FGF1: variants seen among roughly 807,000 people sequenced by gnomAD.
The protein encoded by FGF1 is fibroblast growth factor 1, also known as beta-endothelial cell growth factor.
Under a neutral mutation model 13.4 loss-of-function variants are expected in FGF1, and 9 were observed. The ratio of observed to expected loss-of-function variants is 0.67; its 90% CI spans 0.40 to 1.17. The LOEUF is 1.17. Ranked by LOEUF, FGF1 falls within the 50% of genes most tolerant of loss-of-function variation. The pLI, the probability that FGF1 is intolerant of heterozygous loss-of-function variation, is 0.01. For synonymous variants in FGF1, 93 were observed against 79.0 expected (o/e 1.18, Z -0.94); for missense variants, 156 against 192.7 (o/e 0.81, Z 1.13).
rs755020732 is a variant in FGF1, at chr5:142,614,142, T to C, written c.-15A>G. 2.2e-5 allele frequency: 35 copies of C among 1,613,838 alleles called. No homozygotes were observed. In the South Asian group the frequency reaches 3.3e-4, roughly 15 times the overall value. ...CCTTCAGCCATGGCTCAGCAGCTGC[T>C]GCTTGTGGCGCTTTCAAGACTGTAA... On this transcript the variant is annotated 5_prime_UTR_variant, in exon 2 of 4. Coordinates refer to ENST00000337706, the MANE Select transcript of FGF1 (RefSeq NM_000800.5).
At chr5:142,665,774 G>A (rs1340004859) in intron 1 of FGF1, among the ~76,000 whole-genome samples, 2 of 152,136 alleles carry the variant, frequency 1.3e-5, no homozygotes, top group Non-Finnish European at 2.9e-5. Context: ...ATCCTAAGAG[G>A]ATCACAGGTA....
At chr5:142,623,624 C>T (rs924841872) in intron 1 of FGF1, among the ~76,000 whole-genome samples, 4 of 152,128 alleles carry the variant, frequency 2.6e-5, no homozygotes, top group Admixed American at 2.0e-4. Flanking sequence ...GCTGGGATTA[C>T]AGGCATGAGC....
intron 2 of FGF1, among the ~76,000 whole-genome samples, chr5:142,697,270 A>AGTG (rs1753278415): frequency 6.6e-6 from 1 of 152,192 alleles, no homozygotes; most frequent in Non-Finnish European, 1.5e-5. Context: ...GTGCTTTTTA[A>AGTG]AATGAAGCAT....
intron 1 of FGF1, among the ~76,000 whole-genome samples, chr5:142,622,158 C>T (rs924533321): frequency 1.3e-5 from 2 of 152,242 alleles, no homozygotes; most frequent in African/African-American, 4.8e-5. Flanking sequence ...ACCTGATGGG[C>T]ATTTGATAAA....
chr5:142,658,787 T>C (rs1159305753), intron 1 of FGF1, among the ~76,000 whole-genome samples: 4 of 152,274 alleles, frequency 2.6e-5, no homozygotes, highest in South Asian at 4.1e-4. Context: ...AGAGAAAGTA[T>C]AGGCTGCGGA....
chr5:142,652,291 C>A (rs1374035403), intron 1 of FGF1, among the ~76,000 whole-genome samples: 1 of 152,104 alleles, frequency 6.6e-6, no homozygotes, highest in Non-Finnish European at 1.5e-5. Context: ...GAAGTAGAGC[C>A]ATTTAAATTG....
chr5:142,662,145 G>A (rs74440289), intron 1 of FGF1, among the ~76,000 whole-genome samples: 2,346 of 152,232 alleles, frequency 0.015, 27 homozygotes, highest in Non-Finnish European at 0.021. Flanking sequence ...AGGGGGAAGC[G>A]GGGAATGACT....
chr5:142,605,921 T>G (rs1204841100), intron 2 of FGF1, among the ~76,000 whole-genome samples: 1 of 152,062 alleles, frequency 6.6e-6, no homozygotes, highest in Non-Finnish European at 1.5e-5. Context: ...GGAGAGAGCA[T>G]GAGAAAGTGG....
chr5:142,592,602 A>G lies in FGF1; in HGVS notation c.*2688T>C, dbSNP rs551356625. The G allele has an allele frequency of 4.3e-4, 170 of 395,990 alleles. No homozygotes were observed. The highest frequency in any genetic ancestry group is 9.3e-4 in the Admixed American group (21 of 22,678). The allele number at this position is 395,990 out of a possible 1,614,324, so 24.5% of individuals were successfully genotyped here. ...GCTATGAGACTTACTTAAGACAGCA[A>G]TGGGAATGTCCCCAGGTTAATAAAC... On this transcript the variant is annotated 3_prime_UTR_variant, in exon 4 of 4. Transcript: ENST00000337706.
In FGF1 at chr5:142,595,113, A is replaced by C; in HGVS notation, c.*177T>G. 1 of 586,752 alleles carries C rather than the reference A, an allele frequency of 1.7e-6. No individual in the cohort carries two copies. The allele number at this position is 586,752 out of a possible 1,614,324, so 36.3% of individuals were successfully genotyped here. A position where few individuals can be genotyped will look rare whatever the true frequency, so the allele number is the denominator to read the frequency against. On this transcript the variant is annotated 3_prime_UTR_variant, in exon 4 of 4. Coordinates refer to ENST00000337706, the MANE Select transcript of FGF1 (RefSeq NM_000800.5). Reference sequence around the variant, plus strand: ...TTGGTCCCTCTGTTCTAAACTGTGCAGGGGTAAAAGGCTCTGCAAAGAAGT... The same window carrying C: ...TTGGTCCCTCTGTTCTAAACTGTGCCGGGGTAAAAGGCTCTGCAAAGAAGT...
chr5:142,618,920 A>ATTTT (rs1561571080), intron 1 of FGF1, among the ~76,000 whole-genome samples: 1 of 97,056 alleles, frequency 1.0e-5, no homozygotes, highest in African/African-American at 4.1e-5. Context: ...TTTATTTTTT[A>ATTTT]GTTGTTTTGT....
chr5:142,682,995 G>C (rs1366297768), intron 1 of FGF1, among the ~76,000 whole-genome samples: 1 of 152,044 alleles, frequency 6.6e-6, no homozygotes, highest in Non-Finnish European at 1.5e-5. Flanking sequence ...GGTTGTTTGG[G>C]CTGGATCCAG....
chr5:142,666,279 T>C (rs1480455061), intron 1 of FGF1, among the ~76,000 whole-genome samples: 1 of 62,570 alleles, frequency 1.6e-5, no homozygotes, highest in Admixed American at 1.5e-4. Context: ...GAGCATGTAA[T>C]ACACACACAC....
At chr5:142,597,153 C>T (rs1158083968) in intron 3 of FGF1, among the ~76,000 whole-genome samples, 5 of 152,136 alleles carry the variant, frequency 3.3e-5, no homozygotes, top group Admixed American at 6.5e-5. Context: ...GCACAGTTGG[C>T]GAGAAAAATT....
At chr5:142,606,060 T>C (rs1757591698) in intron 2 of FGF1, among the ~76,000 whole-genome samples, 1 of 151,602 alleles carries the variant, frequency 6.6e-6, no homozygotes, top group Admixed American at 6.6e-5. Flanking sequence ...GGACTTACGC[T>C]CAGCGCCAGC....
chr5:142,697,183 C>T (rs546522080), intron 2 of FGF1, among the ~76,000 whole-genome samples: 12 of 152,182 alleles, frequency 7.9e-5, no homozygotes, highest in African/African-American at 2.4e-4. Context: ...AGAGGCTCTG[C>T]ATGTCTCATT....
At chr5:142,681,467 G>A (rs1177853986) in intron 1 of FGF1, among the ~76,000 whole-genome samples, 1 of 152,146 alleles carries the variant, frequency 6.6e-6, no homozygotes, top group East Asian at 1.9e-4. Flanking sequence ...CCCAGTGCCT[G>A]TGTTCATGTC....
At chr5:142,632,831 T>C (rs1763572839) in intron 1 of FGF1, among the ~76,000 whole-genome samples, 1 of 152,194 alleles carries the variant, frequency 6.6e-6, no homozygotes, top group African/African-American at 2.4e-5. Context: ...GTAATGGTTG[T>C]AATGGTTGTA....
At chr5:142,648,689 CAAAAAAAAAAAA>C (rs11451715) in intron 1 of FGF1, among the ~76,000 whole-genome samples, 5 of 66,212 alleles carry the variant, frequency 7.6e-5, no homozygotes, top group East Asian at 5.3e-4. Flanking sequence ...CCCCACCAAC[CAAAAAAAAAAAA>C]AAAAAAAAAA....
Sources: allele counts gnomAD v4.1 joint callset (sites outside exome capture counted in the v4.1 genomes callset), GRCh38; gene constraint gnomAD v4.1.1; transcripts MANE v1.5; gene names NCBI Gene and HGNC (gene_info 2026-07-23, HGNC 2026-07-21).